Variants in ATXN7L1 observed in about 807,000 individuals in gnomAD.
ATXN7L1 encodes ataxin-7-like protein 1.
ATXN7L1 carries 15 observed loss-of-function variants against 70.8 expected under a neutral mutation model. The observed-to-expected ratio is 0.21, with a 90% CI of 0.14 to 0.33. The LOEUF (loss-of-function observed/expected upper bound fraction) is 0.33. Among genes scored for constraint, ATXN7L1 ranks in the 10% least tolerant of loss-of-function variants. The pLI is 1.00. For synonymous variants in ATXN7L1, 440 were observed against 445.1 expected (o/e 0.99, Z 0.14); for missense variants, 975 against 1,097.1 (o/e 0.89, Z 1.57).
intron 3 of ATXN7L1, among the ~76,000 whole-genome samples, chr7:105,672,458 C>G (rs752346759): frequency 3.3e-5 from 5 of 152,208 alleles, no homozygotes; most frequent in African/African-American, 1.2e-4. Flanking sequence ...AGGTAATATT[C>G]AATCATTAAT....
intron 3 of ATXN7L1, among the ~76,000 whole-genome samples, chr7:105,700,281 G>A (rs901514301): frequency 5.9e-5 from 9 of 152,060 alleles, no homozygotes; most frequent in African/African-American, 1.2e-4. Context: ...CAAGGCAGGC[G>A]GATCACCTGA....
At chr7:105,839,826 C>T (rs1034674398) in intron 2 of ATXN7L1, among the ~76,000 whole-genome samples, 2 of 152,120 alleles carry the variant, frequency 1.3e-5, no homozygotes, top group Admixed American at 1.3e-4. Context: ...GTTAAAGGCA[C>T]CCAGAGTCCA....
At chr7:105,753,199 T>G (rs574094069) in intron 3 of ATXN7L1, among the ~76,000 whole-genome samples, 2 of 152,258 alleles carry the variant, frequency 1.3e-5, no homozygotes, top group South Asian at 4.1e-4. Flanking sequence ...GGGGCGGTTG[T>G]AGAAGTGGGA....
chr7:105,622,905 A>G (rs1023216145), intron 8 of ATXN7L1, among the ~76,000 whole-genome samples: 1 of 152,218 alleles, frequency 6.6e-6, no homozygotes, highest in Non-Finnish European at 1.5e-5. Context: ...CGTGAAAAGT[A>G]GAGGGAATTG....
chr7:105,764,936 A>C (rs937913797), intron 3 of ATXN7L1, among the ~76,000 whole-genome samples: 1 of 152,168 alleles, frequency 6.6e-6, no homozygotes, highest in African/African-American at 2.4e-5. Flanking sequence ...CATGAATGAA[A>C]TGCAGGATTA....
intron 4 of ATXN7L1, among the ~76,000 whole-genome samples, chr7:105,657,481 G>A (rs1800842976): frequency 6.6e-6 from 1 of 151,944 alleles, no homozygotes; most frequent in African/African-American, 2.4e-5. Context: ...GGGAGGCTGA[G>A]TTGGGTGGAT....
At chr7:105,733,373 A>T (rs1326643588) in intron 3 of ATXN7L1, among the ~76,000 whole-genome samples, 2 of 152,272 alleles carry the variant, frequency 1.3e-5, no homozygotes, top group African/African-American at 4.8e-5. Context: ...AGACAAGCAG[A>T]TTATTCATTC....
intron 3 of ATXN7L1, among the ~76,000 whole-genome samples, chr7:105,768,686 T>C (rs769691166): frequency 2.0e-5 from 3 of 152,232 alleles, no homozygotes; most frequent in Non-Finnish European, 4.4e-5. Context: ...TGACCATAAC[T>C]TTTGTTCTGA....
chr7:105,607,848 C>T lies in ATXN7L1; in HGVS notation c.*4G>A, dbSNP rs939452561. On this transcript the variant is annotated 3_prime_UTR_variant, in exon 12 of 12. Coordinates refer to ENST00000419735, the MANE Select transcript of ATXN7L1 (RefSeq NM_020725.2). Reference sequence around the variant, plus strand: ...ATTGATGTGGAAGTGGCTTCATAGTCTTGTTATGGAAGAGTCCTTATCCTG... The same window carrying T: ...ATTGATGTGGAAGTGGCTTCATAGTTTTGTTATGGAAGAGTCCTTATCCTG... The T allele has an allele frequency of 1.2e-5, 18 of 1,551,668 alleles. No individual in the cohort carries two copies. The highest frequency in any genetic ancestry group is 1.6e-5 in the Non-Finnish European group (18 of 1,146,802).
intron 11 of ATXN7L1, among the ~76,000 whole-genome samples, chr7:105,609,254 C>T (rs780467287): frequency 2.2e-4 from 33 of 151,198 alleles, no homozygotes; most frequent in Non-Finnish European, 2.9e-4. Context: ...ACTGCAACCT[C>T]CATCTCCCGG....
At chr7:105,636,605 C>A (rs1213582922) in intron 7 of ATXN7L1, among the ~76,000 whole-genome samples, 1 of 152,180 alleles carries the variant, frequency 6.6e-6, no homozygotes, top group Non-Finnish European at 1.5e-5. Context: ...CGGAGCAGAT[C>A]CTTCAGGCTC....
At chr7:105,762,026 A>G (rs1225268160) in intron 3 of ATXN7L1, among the ~76,000 whole-genome samples, 2 of 152,218 alleles carry the variant, frequency 1.3e-5, no homozygotes, top group African/African-American at 2.4e-5. Flanking sequence ...AGACTGCTAC[A>G]TGGAATCCAT....
chr7:105,732,172 G>A (rs1415874809), intron 3 of ATXN7L1, among the ~76,000 whole-genome samples: 2 of 152,128 alleles, frequency 1.3e-5, no homozygotes, highest in African/African-American at 4.8e-5. Flanking sequence ...CACTTTGAGA[G>A]GCCAAGGTGG....
chr7:105,643,522 C>T (rs1261902927), intron 4 of ATXN7L1, among the ~76,000 whole-genome samples: 2 of 152,254 alleles, frequency 1.3e-5, no homozygotes, highest in South Asian at 2.1e-4. Flanking sequence ...TGCTGAATCA[C>T]GCCCCCTCCC....
chr7:105,871,539 C>T (rs371481367), intron 2 of ATXN7L1, among the ~76,000 whole-genome samples: 10 of 152,030 alleles, frequency 6.6e-5, no homozygotes, highest in African/African-American at 2.4e-4. Flanking sequence ...TGGTGAAACC[C>T]ATCTCTACTA....
intron 9 of ATXN7L1, among the ~76,000 whole-genome samples, chr7:105,619,550 T>A (rs1324302960): frequency 1.2e-3 from 61 of 49,592 alleles, no homozygotes; most frequent in South Asian, 3.4e-3. Context: ...TTTTTTTTTT[T>A]TTTTTTTTTT....
intron 3 of ATXN7L1, among the ~76,000 whole-genome samples, chr7:105,749,531 CA>C (rs1798948617): frequency 6.7e-6 from 1 of 150,316 alleles, no homozygotes; most frequent in Non-Finnish European, 1.5e-5. Context: ...ATGGGACACA[CA>C]AGAATCACCT....
intron 5 of ATXN7L1, 49 bp downstream of exon 5, chr7:105,642,789 T>A: frequency 6.0e-6 from 9 of 1,503,790 alleles, no homozygotes; most frequent in Non-Finnish European, 8.1e-6. Context: ...TGGCTGCGAC[T>A]CCCTTTCAGT....
At chr7:105,622,796 G>A (rs541285299) in intron 8 of ATXN7L1, among the ~76,000 whole-genome samples, 1 of 152,298 alleles carries the variant, frequency 6.6e-6, no homozygotes, top group Non-Finnish European at 1.5e-5. Context: ...CAACATCTTG[G>A]AAGAAGACCC....
Sources: allele counts gnomAD v4.1 joint callset (sites outside exome capture counted in the v4.1 genomes callset), GRCh38; gene constraint gnomAD v4.1.1; transcripts MANE v1.5; gene names NCBI Gene and HGNC (gene_info 2026-07-23, HGNC 2026-07-21).